Variants in ASPH observed in about 807,000 individuals in gnomAD.
ASPH encodes the protein aspartyl/asparaginyl beta-hydroxylase.
A neutral mutation model predicts 118.4 loss-of-function variants in ASPH; 100 were observed. The observed-to-expected ratio is 0.84, with a 90% CI of 0.72 to 1.00. The LOEUF (loss-of-function observed/expected upper bound fraction) is 1.00, where lower values mean the gene tolerates loss of function less well. Ranked by LOEUF, ASPH falls within the 50% of genes least tolerant of loss-of-function variation. The pLI is 0.00. For synonymous variants in ASPH, 315 were observed against 325.6 expected (o/e 0.97, Z 0.35); for missense variants, 920 against 919.5 (o/e 1.00, Z -0.01).
intron 14 of ASPH, among the ~76,000 whole-genome samples, chr8:61,612,810 A>G (rs918447021): frequency 6.6e-6 from 1 of 152,248 alleles, no homozygotes; most frequent in Non-Finnish European, 1.5e-5. Context: ...TGCTTAACTC[A>G]TAAGATTGAT....
intron 1 of ASPH, among the ~76,000 whole-genome samples, chr8:61,689,238 T>C (rs1831787267): frequency 2.0e-5 from 3 of 152,228 alleles, no homozygotes; most frequent in Admixed American, 2.0e-4. Context: ...AGTAGGTCAC[T>C]TTCCATAAAT....
In ASPH at chr8:61,503,335, T is replaced by A; in HGVS notation, c.*24A>T. ...CAGAAAGGCAGCCTCTCTCCAGAGT[T>A]TCCCAAGCTTGCATGAATTCATGCT... On this transcript the variant is annotated 3_prime_UTR_variant, in exon 25 of 25. Transcript: ENST00000379454. 1 of 1,590,044 alleles carries A rather than the reference T, an allele frequency of 6.3e-7. No homozygotes were observed. The highest frequency in any genetic ancestry group is 2.3e-5 in the East Asian group (1 of 44,018).
chr8:61,686,000 C>T (rs957868374), intron 1 of ASPH, among the ~76,000 whole-genome samples: 8 of 152,096 alleles, frequency 5.3e-5, no homozygotes, highest in Admixed American at 5.2e-4. Context: ...AACTCCTGAC[C>T]TCAAGTGATC....
Position 61,647,365 on chromosome 8 carries a change from C to T in ASPH, c.491-487G>A, listed in dbSNP as rs138651545. Among the ~76,000 whole-genome samples, 219 of 152,278 alleles carry T rather than the reference C, an allele frequency of 1.4e-3. 1 individual carries two copies. The highest frequency in any genetic ancestry group is 4.5e-3 in the African/African-American group (187 of 41,560). The stretch of plus-strand genomic sequence containing the variant: ...ATATTCTATAGCAAAGAGTGACTAG[C>T]CACCTATCTAAATTATATGCTAGGG... On this transcript the variant is annotated intron_variant, in intron 5 of 24. Transcript: ENST00000379454.
At position 61,501,139 on chromosome 8, in the gene ASPH, T is replaced by TAACA. The variant is rs553492483; in HGVS notation, c.*2216_*2219dup. 1.5e-4 allele frequency: 23 copies of TAACA among 152,232 alleles called. No homozygotes were observed. Among genetic ancestry groups the TAACA allele is most frequent in the African/African-American group, 5.3e-4 (22 of 41,558 alleles). The allele number at this position is 152,232 out of a possible 1,614,324, so 9.4% of individuals were successfully genotyped here. A position where few individuals can be genotyped will look rare whatever the true frequency, so the allele number is the denominator to read the frequency against. ...TAGACATACGAAATCACAAAAATAA[T>TAACA]AACACTGAAATAATTCTACCAATGC... On this transcript the variant is annotated 3_prime_UTR_variant, in exon 25 of 25. Transcript: ENST00000379454.
chr8:61,661,055 G>A (rs1361939007), intron 3 of ASPH: 5 of 152,066 alleles, frequency 3.3e-5, no homozygotes, highest in Non-Finnish European at 7.4e-5. Flanking sequence ...TTTTCAGGTT[G>A]TCACAATATT....
intron 3 of ASPH, chr8:61,680,746 A>G (rs1827631975): frequency 1.2e-5 from 4 of 329,920 alleles, no homozygotes; most frequent in African/African-American, 2.1e-5. Context: ...ATCAAAAGAT[A>G]TATGTGTAAG....
intron 10 of ASPH, among the ~76,000 whole-genome samples, chr8:61,642,218 G>A (rs1588519121): frequency 6.6e-6 from 1 of 152,326 alleles, no homozygotes; most frequent in East Asian, 1.9e-4. Flanking sequence ...TGACAAATCA[G>A]TCATCTTTGA....
chr8:61,539,294 T>C (rs1820809073), intron 21 of ASPH, among the ~76,000 whole-genome samples: 1 of 152,082 alleles, frequency 6.6e-6, no homozygotes, highest in Non-Finnish European at 1.5e-5. Context: ...TAGTTTTCTG[T>C]ATGGGTCTGC....
intron 14 of ASPH, among the ~76,000 whole-genome samples, chr8:61,610,023 T>C (rs753053069): frequency 1.4e-4 from 21 of 152,180 alleles, no homozygotes; most frequent in Non-Finnish European, 2.6e-4. Flanking sequence ...TTTGAAGGAG[T>C]GTCACATCTT....
At chr8:61,534,292 T>A (rs1203177839) in intron 21 of ASPH, among the ~76,000 whole-genome samples, 1 of 152,218 alleles carries the variant, frequency 6.6e-6, no homozygotes, top group African/African-American at 2.4e-5. Flanking sequence ...TTTCTTTCTT[T>A]ACTTTTACCT....
chr8:61,568,870 A>C (rs894917275), intron 16 of ASPH, among the ~76,000 whole-genome samples: 6 of 152,162 alleles, frequency 3.9e-5, no homozygotes, highest in Non-Finnish European at 7.4e-5. Context: ...TTTCACTGTA[A>C]AGGGGAGCAG....
chr8:61,697,670 G>C (rs1171306471), intron 1 of ASPH, among the ~76,000 whole-genome samples: 1 of 152,180 alleles, frequency 6.6e-6, no homozygotes, highest in Non-Finnish European at 1.5e-5. Context: ...TGATTATAAA[G>C]GATATTACAC....
At chr8:61,689,694 T>C in intron 1 of ASPH, 2 of 1,589,446 alleles carry the variant, frequency 1.3e-6, no homozygotes, top group Non-Finnish European at 1.7e-6. Context: ...GCCATTTTGA[T>C]TTCTTCAATC....
chr8:61,587,572 A>G (rs1839840823), intron 14 of ASPH, among the ~76,000 whole-genome samples: 1 of 152,240 alleles, frequency 6.6e-6, no homozygotes, highest in Non-Finnish European at 1.5e-5. Context: ...AGTTTAGGAC[A>G]TCCAAAACAG....
chr8:61,548,143 G>C lies in ASPH; in HGVS notation c.1692C>G (p.Leu564=), dbSNP rs1402593299. The C allele has an allele frequency of 1.9e-6, 3 of 1,613,862 alleles. No individual in the cohort carries two copies. The highest frequency in any genetic ancestry group is 2.7e-5 in the African/African-American group (2 of 74,898). ...GTGCTTTCAGTCCATTCACATTGTA[G>C]AGTGAGCGTTGCCAGACAGATGCAA... ...GHFASVWQRS[L]YNVNGLKAQP... Residue 564 remains leucine (L), a synonymous_variant, in exon 21 of 25, where the codon CTC becomes CTG. Transcript: ENST00000379454.
intron 1 of ASPH, among the ~76,000 whole-genome samples, chr8:61,706,801 C>A (rs1262508561): frequency 6.6e-6 from 1 of 152,182 alleles, no homozygotes; most frequent in African/African-American, 2.4e-5. Context: ...GGTGTTGCTT[C>A]TACATGCCTG....
intron 14 of ASPH, among the ~76,000 whole-genome samples, chr8:61,613,376 A>T (rs1848060331): frequency 6.6e-6 from 1 of 152,216 alleles, no homozygotes; most frequent in Non-Finnish European, 1.5e-5. Context: ...CACGTAAGCC[A>T]ATTCCTTAAA....
At chr8:61,582,339 C>T (rs1331698456) in intron 15 of ASPH, among the ~76,000 whole-genome samples, 2 of 152,062 alleles carry the variant, frequency 1.3e-5, no homozygotes, top group South Asian at 2.1e-4. Context: ...GTTTTTTACA[C>T]CAAAAGTCAC....
Sources: allele counts gnomAD v4.1 joint callset (sites outside exome capture counted in the v4.1 genomes callset), GRCh38; gene constraint gnomAD v4.1.1; transcripts MANE v1.5; gene names NCBI Gene and HGNC (gene_info 2026-07-23, HGNC 2026-07-21).